ARL14EPL: variants seen among roughly 807,000 people sequenced by gnomAD.
The protein encoded by ARL14EPL is ARF like GTPase 14 effector protein like.
A neutral mutation model predicts 15.9 loss-of-function variants in ARL14EPL; 17 were observed. The observed-to-expected ratio is 1.07, with a 90% CI of 0.73 to 1.60. The LOEUF (loss-of-function observed/expected upper bound fraction) is 1.60, where lower values mean the gene tolerates loss of function less well. ARL14EPL is among the 40% of genes most tolerant of loss of function. The pLI is 0.00. For synonymous variants in ARL14EPL, 78 were observed against 63.8 expected (o/e 1.22, Z -1.06); for missense variants, 214 against 185.9 (o/e 1.15, Z -0.88).
intron 1 of ARL14EPL, chr5:116,051,132 A>C: frequency 5.0e-6 from 1 of 202,002 alleles, no homozygotes; most frequent in South Asian, 1.4e-4. Context: ...TTCTTTCAAG[A>C]GTGTGTGTAA....
At chr5:116,040,665 A>T (rs915466831) in intron 1 of ARL14EPL, among the ~76,000 whole-genome samples, 15 of 151,664 alleles carry the variant, frequency 9.9e-5, no homozygotes, top group African/African-American at 3.6e-4. Context: ...ATTAAACTGA[A>T]TATTATTTCA....
intron 1 of ARL14EPL, among the ~76,000 whole-genome samples, chr5:116,044,197 C>A (rs1749220318): frequency 1.3e-5 from 2 of 152,110 alleles, no homozygotes; most frequent in African/African-American, 4.8e-5. Flanking sequence ...TGTTTCCTTT[C>A]CTTGTTCTTT....
chr5:116,037,619 G>T (rs1749071257), intron 1 of ARL14EPL, among the ~76,000 whole-genome samples: 1 of 152,062 alleles, frequency 6.6e-6, no homozygotes, highest in Admixed American at 6.5e-5. Flanking sequence ...CTGGATTAGG[G>T]GTTTTGTGCC....
intron 1 of ARL14EPL, among the ~76,000 whole-genome samples, chr5:116,049,351 A>G (rs1343787278): frequency 6.6e-6 from 1 of 152,202 alleles, no homozygotes; most frequent in African/African-American, 2.4e-5. Context: ...ACAGCTCCAT[A>G]TGATTTTTAT....
At chr5:116,032,734 T>C (rs151068745) in intron 1 of ARL14EPL, among the ~76,000 whole-genome samples, 1 of 152,190 alleles carries the variant, frequency 6.6e-6, no homozygotes, top group Non-Finnish European at 1.5e-5. Flanking sequence ...ACTGGGGACC[T>C]TGGAAGGTAG....
Position 116,058,720 on chromosome 5 carries a change from T to G in ARL14EPL, c.237-5T>G, listed in dbSNP as rs545328764. 50 of 1,534,218 alleles carry G rather than the reference T, an allele frequency of 3.3e-5. No homozygotes were observed. Among genetic ancestry groups the G allele is most frequent in the Non-Finnish European group, 4.3e-5 (49 of 1,146,602 alleles). Reference sequence around the variant, plus strand: ...TCATCTTAATGTCATGCTTTTCCTTTGTAGAATAATGAGGAAGTATGACAA... The same window carrying G: ...TCATCTTAATGTCATGCTTTTCCTTGGTAGAATAATGAGGAAGTATGACAA... On this transcript the variant is annotated splice_region_variant and splice_polypyrimidine_tract_variant and intron_variant, in intron 3 of 3. Coordinates refer to ENST00000686077, the MANE Select transcript of ARL14EPL (RefSeq NM_001195581.2).
chr5:116,040,144 C>A (rs1749122115), intron 1 of ARL14EPL, among the ~76,000 whole-genome samples: 1 of 152,082 alleles, frequency 6.6e-6, no homozygotes, highest in Non-Finnish European at 1.5e-5. Flanking sequence ...AGATCTTTGT[C>A]TTTCCTTAGA....
At chr5:116,054,263 T>C in intron 3 of ARL14EPL, 110 bp downstream of exon 3, 1 of 1,205,372 alleles carries the variant, frequency 8.3e-7, no homozygotes, top group Non-Finnish European at 1.1e-6. Flanking sequence ...TTTAAAAATA[T>C]CTCCTCTGAA....
At chr5:116,039,636 C>G (rs1328077624) in intron 1 of ARL14EPL, among the ~76,000 whole-genome samples, 1 of 151,232 alleles carries the variant, frequency 6.6e-6, no homozygotes, top group African/African-American at 2.4e-5. Flanking sequence ...CCTCTTAGAA[C>G]AACAGAACAT....
At chr5:116,048,220 T>A (rs1749309541) in intron 1 of ARL14EPL, among the ~76,000 whole-genome samples, 1 of 152,120 alleles carries the variant, frequency 6.6e-6, no homozygotes, top group Non-Finnish European at 1.5e-5. Flanking sequence ...GACAAATCAG[T>A]TTATTAACCT....
Position 116,046,224 on chromosome 5 carries a change from A to C in ARL14EPL, c.-9-5233A>C, listed in dbSNP as rs913011938. Reference sequence around the variant, plus strand: ...ATATATTCCAAGAGATATCTTACAGATAGTGTCCCTGAATAAGTGGCATTA... The same window carrying C: ...ATATATTCCAAGAGATATCTTACAGCTAGTGTCCCTGAATAAGTGGCATTA... On this transcript the variant is annotated intron_variant, in intron 1 of 3. Transcript: ENST00000686077. Among the ~76,000 whole-genome samples, 4 of 152,210 alleles carry C rather than the reference A, an allele frequency of 2.6e-5. 1 individual carries two copies. The highest frequency in any genetic ancestry group is 2.1e-4 in the South Asian group (1 of 4,834).
intron 1 of ARL14EPL, among the ~76,000 whole-genome samples, chr5:116,040,979 C>CAAAAAAAAAAAAAAAAAAAAAAAAAAA (rs56060606): frequency 4.5e-5 from 3 of 66,178 alleles, no homozygotes; most frequent in African/African-American, 1.3e-4. Context: ...GATTCCCTCT[C>CAAAAAAAAAAAAAAAAAAAAAAAAAAA]AAAAAAAAAA....
At chr5:116,049,454 A>G (rs1749329830) in intron 1 of ARL14EPL, among the ~76,000 whole-genome samples, 1 of 152,208 alleles carries the variant, frequency 6.6e-6, no homozygotes, top group Non-Finnish European at 1.5e-5. Context: ...TGATGGAGAC[A>G]AAGTGTAATT....
intron 1 of ARL14EPL, among the ~76,000 whole-genome samples, chr5:116,040,873 C>T (rs1366627521): frequency 2.1e-5 from 3 of 146,266 alleles, no homozygotes; most frequent in South Asian, 2.1e-4. Flanking sequence ...CCCAGCTACT[C>T]GGGAGGCTGA....
intron 1 of ARL14EPL, 54 bp from the exon 2 acceptor site, chr5:116,051,403 T>G: frequency 9.3e-7 from 1 of 1,071,246 alleles, no homozygotes; most frequent in Non-Finnish European, 1.4e-6. Flanking sequence ...CCAGATATAG[T>G]TACTGGAGAT....
intron 1 of ARL14EPL, among the ~76,000 whole-genome samples, chr5:116,036,266 A>G (rs1749048228): frequency 6.6e-6 from 1 of 152,166 alleles, no homozygotes; most frequent in African/African-American, 2.4e-5. Flanking sequence ...TTAATTTAGG[A>G]CATGGTTAAG....
intron 3 of ARL14EPL, 22 bp downstream of exon 3, chr5:116,054,175 T>C: frequency 6.6e-7 from 1 of 1,525,540 alleles, no homozygotes; most frequent in African/African-American, 1.4e-5. Flanking sequence ...ACTTATTGTA[T>C]TTGATCTGTG....
At chr5:116,051,331 G>T in intron 1 of ARL14EPL, 126 bp from the exon 2 acceptor site, 1 of 643,920 alleles carries the variant, frequency 1.6e-6, no homozygotes, top group Non-Finnish European at 2.6e-6. Context: ...AAGGTTCTGG[G>T]AGTACAGATA....
intron 3 of ARL14EPL, among the ~76,000 whole-genome samples, chr5:116,056,147 C>A (rs1749511255): frequency 6.6e-6 from 1 of 151,852 alleles, no homozygotes; most frequent in African/African-American, 2.4e-5. Context: ...ATTTATAGTC[C>A]TTTGGGTATA....
Sources: allele counts gnomAD v4.1 joint callset (sites outside exome capture counted in the v4.1 genomes callset), GRCh38; gene constraint gnomAD v4.1.1; transcripts MANE v1.5; gene names NCBI Gene and HGNC (gene_info 2026-07-23, HGNC 2026-07-21).